Variants in MTSS1 observed in about 807,000 individuals in gnomAD.
MTSS1 encodes the protein protein MTSS 1.
MTSS1 carries 18 observed loss-of-function variants against 79.0 expected under a neutral mutation model. The observed-to-expected ratio is 0.23, with a 90% CI of 0.16 to 0.34. MTSS1 has a LOEUF of 0.34. MTSS1 is among the 10% of genes least tolerant of loss of function. MTSS1 has a pLI of 1.00. For missense variants in MTSS1, 815 were observed against 986.2 expected (o/e 0.83, Z 2.33); for synonymous variants, 341 against 368.6 (o/e 0.93, Z 0.86).
At chr8:124,628,337 A>T (rs948170235) in intron 3 of MTSS1, among the ~76,000 whole-genome samples, 1 of 151,882 alleles carries the variant, frequency 6.6e-6, no homozygotes, top group African/African-American at 2.4e-5. Flanking sequence ...CCCAGATCAT[A>T]CTCCCCAGGA....
intron 3 of MTSS1, among the ~76,000 whole-genome samples, chr8:124,600,258 T>G (rs1468698699): frequency 2.0e-5 from 3 of 152,128 alleles, no homozygotes; most frequent in Admixed American, 6.5e-5. Context: ...TTTGCAAAAG[T>G]AACTTTTATT....
intron 3 of MTSS1, among the ~76,000 whole-genome samples, chr8:124,641,300 G>C (rs947580819): frequency 6.6e-6 from 1 of 152,160 alleles, no homozygotes; most frequent in African/African-American, 2.4e-5. Context: ...TGAGCAACTT[G>C]GGAAAACAGT....
At chr8:124,650,507 T>C (rs1311012970) in intron 3 of MTSS1, among the ~76,000 whole-genome samples, 1 of 151,968 alleles carries the variant, frequency 6.6e-6, no homozygotes, top group Admixed American at 6.6e-5. Context: ...CGTGCTAAGA[T>C]AGAGAAGCCG....
In MTSS1 at chr8:124,551,868, G is replaced by A. The variant is rs545698884; in HGVS notation, c.*1124C>T. ...GTTAACTGCCATTTATTTGAAAGAAGAAAAGAAAAACAAGCCCCCAGATTG... is the reference window on the plus strand; with the variant it reads ...GTTAACTGCCATTTATTTGAAAGAAAAAAAGAAAAACAAGCCCCCAGATTG... On this transcript the variant is annotated 3_prime_UTR_variant, in exon 14 of 14. Transcript: ENST00000518547. 3.3e-5 allele frequency: 5 copies of A among 152,580 alleles called. No homozygotes were observed. Among genetic ancestry groups the A allele is most frequent in the Non-Finnish European group, 7.4e-5 (5 of 68,012 alleles). The allele number at this position is 152,580 out of a possible 1,614,324, so 9.5% of individuals were successfully genotyped here.
At chr8:124,700,940 A>G (rs1829611513) in intron 2 of MTSS1, among the ~76,000 whole-genome samples, 1 of 152,242 alleles carries the variant, frequency 6.6e-6, no homozygotes, top group Admixed American at 6.5e-5. Context: ...AAAATAGAGA[A>G]AAATGAAACC....
At chr8:124,627,727 C>A (rs7015124) in intron 3 of MTSS1, among the ~76,000 whole-genome samples, 2 of 152,010 alleles carry the variant, frequency 1.3e-5, no homozygotes, top group South Asian at 2.1e-4. Flanking sequence ...GGAAGCTCAG[C>A]TAGGAGGGTG....
At chr8:124,563,361 C>A in intron 9 of MTSS1, 1 of 278,702 alleles carries the variant, frequency 3.6e-6, no homozygotes, top group Non-Finnish European at 6.9e-6. Context: ...ATGTCAGTAG[C>A]AAGAAAAGGG....
At chr8:124,640,182 T>C (rs1190564243) in intron 3 of MTSS1, among the ~76,000 whole-genome samples, 1 of 152,218 alleles carries the variant, frequency 6.6e-6, no homozygotes, top group African/African-American at 2.4e-5. Context: ...CCCAGCCTTC[T>C]TGATTACCCT....
chr8:124,553,244 G>T lies in MTSS1; in HGVS notation c.2016C>A (p.Asn672Lys). The T allele has an allele frequency of 4.3e-6, 7 of 1,614,194 alleles. No homozygotes were observed. The highest frequency in any genetic ancestry group is 1.1e-5 in the South Asian group (1 of 91,086). The change falls in exon 14 of 14, where the codon AAC becomes AAA. Residue 672 changes from asparagine (N) to lysine (K), a missense_variant. Asn to Lys is a moderately conservative substitution (Grantham distance 94). Coordinates refer to ENST00000518547, the MANE Select transcript of MTSS1 (RefSeq NM_014751.6). This position sits in a 1 kb window ranked among gnomAD's most constrained non-coding sequence, Gnocchi z 6.0. Reference protein sequence around the residue: ...SSMWSGQASVNPPLPGPKPSI... With the variant: ...SSMWSGQASVKPPLPGPKPSI... ...TGGGCTTCGGGCCTGGAAGTGGAGG[G>T]TTAACGGAAGCTTGGCCGCTCCACA...
intron 3 of MTSS1, among the ~76,000 whole-genome samples, chr8:124,618,230 T>C (rs1563870765): frequency 6.6e-6 from 1 of 152,198 alleles, no homozygotes; most frequent in Non-Finnish European, 1.5e-5. Context: ...TCTCTTAGGC[T>C]GCTGCTGCCC....
At chr8:124,639,016 T>C (rs1200933848) in intron 3 of MTSS1, among the ~76,000 whole-genome samples, 1 of 152,184 alleles carries the variant, frequency 6.6e-6, no homozygotes, top group East Asian at 1.9e-4. Context: ...TTCAAATGCG[T>C]ATGTAGCAAG....
chr8:124,624,511 C>G (rs1814266925), intron 3 of MTSS1, among the ~76,000 whole-genome samples: 1 of 152,094 alleles, frequency 6.6e-6, no homozygotes, highest in Admixed American at 6.5e-5. Flanking sequence ...TCTATTCAGC[C>G]TGGCAGCTCC....
intron 1 of MTSS1, among the ~76,000 whole-genome samples, chr8:124,714,187 G>A (rs1423876322): frequency 6.6e-6 from 1 of 152,168 alleles, no homozygotes; most frequent in Non-Finnish European, 1.5e-5. Flanking sequence ...CTGCCATGTG[G>A]GAATCTAAAC....
intron 3 of MTSS1, among the ~76,000 whole-genome samples, chr8:124,662,185 C>A (rs574935075): frequency 6.6e-6 from 1 of 152,060 alleles, no homozygotes; most frequent in Non-Finnish European, 1.5e-5. Flanking sequence ...AAGAGGACAA[C>A]GTCAACGCTA....
At chr8:124,691,207 T>C (rs943706302) in intron 3 of MTSS1, among the ~76,000 whole-genome samples, 1 of 147,700 alleles carries the variant, frequency 6.8e-6, no homozygotes, top group Admixed American at 6.9e-5. Flanking sequence ...AGACTGTACA[T>C]TTACAAACCC....
intron 8 of MTSS1, 191 bp from the exon 9 acceptor site, chr8:124,565,950 C>A: frequency 2.4e-6 from 1 of 424,468 alleles, no homozygotes; most frequent in Non-Finnish European, 4.2e-6. Flanking sequence ...AATCCTTTTA[C>A]TGAGAAAGTA....
intron 3 of MTSS1, among the ~76,000 whole-genome samples, chr8:124,614,524 G>C (rs369208200): frequency 2.6e-5 from 4 of 152,314 alleles, no homozygotes; most frequent in African/African-American, 9.6e-5. Flanking sequence ...CACCAGCAAA[G>C]GCCAACTTCA....
chr8:124,636,353 A>T (rs1816995114), intron 3 of MTSS1, among the ~76,000 whole-genome samples: 1 of 151,952 alleles, frequency 6.6e-6, no homozygotes, highest in African/African-American at 2.4e-5. Context: ...CTGGCCTCGA[A>T]CTCCTGACCT....
chr8:124,723,016 C>G (rs753680139), intron 1 of MTSS1, among the ~76,000 whole-genome samples: 3 of 152,080 alleles, frequency 2.0e-5, no homozygotes, highest in Admixed American at 6.6e-5. Flanking sequence ...ACCTTTTCAC[C>G]CTCCAAGCAT....
Sources: allele counts gnomAD v4.1 joint callset (sites outside exome capture counted in the v4.1 genomes callset), GRCh38; gene constraint gnomAD v4.1.1; non-coding constraint Gnocchi (gnomAD v3.1); transcripts MANE v1.5; gene names NCBI Gene and HGNC (gene_info 2026-07-23, HGNC 2026-07-21).